The following SCHIP1 variants were observed in gnomAD, a reference collection of about 807,000 sequenced individuals.
SCHIP1 encodes schwannomin interacting protein 1.
A neutral mutation model predicts 29.7 loss-of-function variants in SCHIP1; 8 were observed. The observed-to-expected ratio is 0.27, with a 90% confidence interval of 0.16 to 0.49. The LOEUF (loss-of-function observed/expected upper bound fraction) is 0.49, where lower values mean the gene tolerates loss of function less well. Ranked by LOEUF, SCHIP1 falls within the 20% of genes least tolerant of loss-of-function variation. The pLI is 0.99. For synonymous variants in SCHIP1, 76 were observed against 94.9 expected (o/e 0.80, Z 1.16); for missense variants, 193 against 294.6 (o/e 0.66, Z 2.52).
chr3:159,316,439 T>G, the SCHIP1 span, among the ~76,000 whole-genome samples: 1 of 152,202 alleles, frequency 6.6e-6, no homozygotes, highest in Non-Finnish European at 1.5e-5. Context: ...GATTAGATTG[T>G]GCCCACCAGA....
chr3:159,471,326 T>C, the SCHIP1 span, among the ~76,000 whole-genome samples: 46 of 152,098 alleles, frequency 3.0e-4, no homozygotes, highest in Non-Finnish European at 6.5e-4. Flanking sequence ...TACATGATAA[T>C]TGAATATGCA....
At chr3:159,386,563 C>CA in the SCHIP1 span, among the ~76,000 whole-genome samples, 5 of 151,936 alleles carry the variant, frequency 3.3e-5, no homozygotes, top group Admixed American at 2.0e-4. Flanking sequence ...CATATGGAAC[C>CA]AAAAAAGAGC....
the SCHIP1 span, among the ~76,000 whole-genome samples, chr3:159,812,598 C>T: frequency 4.9e-4 from 75 of 152,256 alleles, no homozygotes; most frequent in African/African-American, 1.3e-3. Flanking sequence ...AATAAAACAA[C>T]GTCACATGGC....
the SCHIP1 span, among the ~76,000 whole-genome samples, chr3:159,560,068 C>T: frequency 1.5e-4 from 23 of 152,244 alleles, no homozygotes; most frequent in African/African-American, 5.5e-4. Context: ...AATGAAGGGT[C>T]AAGGAAGTTC....
chr3:159,390,810 A>G, the SCHIP1 span, among the ~76,000 whole-genome samples: 1 of 151,786 alleles, frequency 6.6e-6, no homozygotes, highest in Admixed American at 6.6e-5. Context: ...TTTGTCATGC[A>G]GCCAATTCAT....
chr3:159,656,366 G>A, the SCHIP1 span, among the ~76,000 whole-genome samples: 1 of 152,106 alleles, frequency 6.6e-6, no homozygotes, highest in African/African-American at 2.4e-5. Flanking sequence ...ACCCTTTGGT[G>A]TTCCTGACTC....
the SCHIP1 span, among the ~76,000 whole-genome samples, chr3:159,498,147 C>A: frequency 6.6e-6 from 1 of 152,176 alleles, no homozygotes; most frequent in African/African-American, 2.4e-5. Flanking sequence ...ATTGACATCC[C>A]CAATTAGATC....
chr3:159,618,890 T>C, the SCHIP1 span, among the ~76,000 whole-genome samples: 3 of 152,366 alleles, frequency 2.0e-5, no homozygotes, highest in African/African-American at 7.2e-5. Flanking sequence ...CCACATGGCC[T>C]AGGCCGTTTT....
At chr3:159,649,072 G>A in the SCHIP1 span, among the ~76,000 whole-genome samples, 1 of 152,192 alleles carries the variant, frequency 6.6e-6, no homozygotes, top group Non-Finnish European at 1.5e-5. Context: ...TTCAGGGAGA[G>A]AAGCTAGAGA....
At chr3:159,292,079 G>T in the SCHIP1 span, among the ~76,000 whole-genome samples, 1 of 151,954 alleles carries the variant, frequency 6.6e-6, no homozygotes, top group Non-Finnish European at 1.5e-5. Flanking sequence ...GACAACATAG[G>T]CCATAATTAT....
chr3:159,651,768 A>G, the SCHIP1 span, among the ~76,000 whole-genome samples: 39 of 152,308 alleles, frequency 2.6e-4, no homozygotes, highest in Non-Finnish European at 4.6e-4. Flanking sequence ...AGCCTAAAGC[A>G]TTTTATTGTT....
chr3:159,416,691 A>G, the SCHIP1 span, among the ~76,000 whole-genome samples: 3 of 152,234 alleles, frequency 2.0e-5, no homozygotes, highest in Non-Finnish European at 4.4e-5. Context: ...TTCTACATTT[A>G]AAATCTGGAT....
the SCHIP1 span, among the ~76,000 whole-genome samples, chr3:159,524,695 G>A: frequency 6.6e-6 from 1 of 152,278 alleles, no homozygotes; most frequent in South Asian, 2.1e-4. Flanking sequence ...GTAAATAAGA[G>A]ACTACTGTGC....
the SCHIP1 span, among the ~76,000 whole-genome samples, chr3:159,800,272 A>G: frequency 6.6e-6 from 1 of 152,190 alleles, no homozygotes; most frequent in Non-Finnish European, 1.5e-5. Flanking sequence ...TAGAAGGAGA[A>G]GTCGAGTGTA....
rs143420342 is a variant in SCHIP1, at chr3:159,873,399, A to AG, written c.149+7121dup. On this transcript the variant is annotated intron_variant, in intron 2 of 6. Coordinates refer to ENST00000445224, the Ensembl canonical transcript of SCHIP1. ...ATGTGAGAAATTATCAAGTAACATG[A>AG]GGGTCTGGGAAGACTGGAGTTTCAA... Among the ~76,000 whole-genome samples, 358 of 152,324 alleles carry AG rather than the reference A, an allele frequency of 2.4e-3. 6 individuals carry two copies. In the East Asian group the frequency reaches 0.053, roughly 23 times the overall value.
At chr3:159,507,981 T>C in the SCHIP1 span, among the ~76,000 whole-genome samples, 12 of 152,336 alleles carry the variant, frequency 7.9e-5, no homozygotes, top group East Asian at 2.3e-3. Flanking sequence ...GCTGGCCTCA[T>C]AAAATGAGTT....
At chr3:159,407,303 A>G in the SCHIP1 span, among the ~76,000 whole-genome samples, 2 of 152,242 alleles carry the variant, frequency 1.3e-5, no homozygotes, top group African/African-American at 4.8e-5. Flanking sequence ...ATGTCGTTAT[A>G]TAATGATAAA....
At chr3:159,630,058 A>C in the SCHIP1 span, among the ~76,000 whole-genome samples, 1 of 152,218 alleles carries the variant, frequency 6.6e-6, no homozygotes, top group African/African-American at 2.4e-5. Context: ...GCAGCCAAAG[A>C]GAATGTACAA....
At chr3:159,742,915 G>C in the SCHIP1 span, among the ~76,000 whole-genome samples, 1 of 138,924 alleles carries the variant, frequency 7.2e-6, no homozygotes, top group East Asian at 2.1e-4. Flanking sequence ...TCAAACTCCT[G>C]ACCTCAGGTG....
Sources: allele counts gnomAD v4.1 joint callset (sites outside exome capture counted in the v4.1 genomes callset), GRCh38; gene constraint gnomAD v4.1.1; transcripts MANE v1.5; gene names NCBI Gene and HGNC (gene_info 2026-07-23, HGNC 2026-07-21).